The following POLD3 variants were observed in gnomAD, a reference collection of about 807,000 sequenced individuals.
The protein encoded by POLD3 is DNA polymerase delta subunit 3.
A neutral mutation model predicts 58.2 loss-of-function variants in POLD3; 19 were observed. That is an observed-to-expected ratio of 0.33 (90% confidence interval 0.23 to 0.48). The LOEUF (loss-of-function observed/expected upper bound fraction) is 0.48. POLD3 is among the 20% of genes least tolerant of loss of function. The pLI is 0.99. For missense variants in POLD3, 504 were observed against 545.5 expected (o/e 0.92, Z 0.76); for synonymous variants, 172 against 193.5 (o/e 0.89, Z 0.92).
Position 74,640,974 on chromosome 11 carries a change from A to G in POLD3, c.*208A>G. Reference sequence around the variant, plus strand: ...AGGAGGCAAAAAGCTGTTACCTTCTAATGACATTTAAAAAGCACAGTCTTT... The same window carrying G: ...AGGAGGCAAAAAGCTGTTACCTTCTGATGACATTTAAAAAGCACAGTCTTT... On this transcript the variant is annotated 3_prime_UTR_variant, in exon 12 of 12. Transcript: ENST00000263681. 11 of 1,251,908 alleles carry G rather than the reference A, an allele frequency of 8.8e-6. No individual in the cohort carries two copies. The highest frequency in any genetic ancestry group is 1.1e-5 in the Non-Finnish European group (11 of 999,072). 77.5% of individuals were successfully genotyped at this position (1,251,908 alleles called of 1,614,324 possible). A position where few individuals can be genotyped will look rare whatever the true frequency, so the allele number is the denominator to read the frequency against.
At chr11:74,620,834 A>G (rs4145953) in intron 7 of POLD3, among the ~76,000 whole-genome samples, 39,983 of 151,958 alleles carry the variant, frequency 0.26, 5,641 homozygotes, top group South Asian at 0.42. Context: ...TCAAGGAGGC[A>G]TTTTGTTACA....
Position 74,649,423 on chromosome 11 carries a change from G to GT in POLD3, c.369+13149dup, listed in dbSNP as rs568906434. Among the ~76,000 whole-genome samples, 1,081 of 152,264 alleles carry GT rather than the reference G, an allele frequency of 7.1e-3. 12 individuals are homozygous for GT. The highest frequency in any genetic ancestry group is 0.031 in the Middle Eastern group (9 of 294). ...TATCCTATTGTCATCCATTCTTAGTGTAAGTTTTTTCCAGTGGCGTGGAGT... is the reference window on the plus strand; with the variant it reads ...TATCCTATTGTCATCCATTCTTAGTGTTAAGTTTTTTCCAGTGGCGTGGAGT... On this transcript the variant is annotated intron_variant, in intron 4 of 4. Transcript: ENST00000524752.
chr11:74,623,219 G>A (rs2032320142), intron 7 of POLD3, among the ~76,000 whole-genome samples: 1 of 152,110 alleles, frequency 6.6e-6, no homozygotes, highest in Admixed American at 6.5e-5. Context: ...GGATCACGAG[G>A]TCAGGAGATC....
chr11:74,618,536 G>T lies in POLD3; in HGVS notation c.393-1G>T. 4.4e-6 allele frequency: 7 copies of T among 1,603,918 alleles called. No individual in the cohort carries two copies. Among genetic ancestry groups the T allele is most frequent in the Non-Finnish European group, 6.0e-6 (7 of 1,172,638 alleles). On this transcript the variant is annotated splice_acceptor_variant, in intron 5 of 11. Coordinates refer to ENST00000263681, the MANE Select transcript of POLD3 (RefSeq NM_006591.3). LOFTEE classifies it high-confidence loss of function. ...ACTTAATGTAACATTTCTGTCCCCA[G>T]ATTTAGTGCTATACAATGTGCAGCT...
intron 7 of POLD3, 77 bp from the exon 8 acceptor site, chr11:74,625,331 A>G: frequency 2.5e-6 from 3 of 1,206,816 alleles, no homozygotes; most frequent in Non-Finnish European, 3.5e-6. Context: ...TACCTGGCAC[A>G]TGGTAGACTG....
chr11:74,619,755 A>T (rs117121810), intron 6 of POLD3, among the ~76,000 whole-genome samples: 1 of 152,192 alleles, frequency 6.6e-6, no homozygotes, highest in Non-Finnish European at 1.5e-5. Flanking sequence ...AAATGTGCTC[A>T]AGAAAAGTTT....
At chr11:74,633,267 CTT>C (rs2032648692) in intron 9 of POLD3, among the ~76,000 whole-genome samples, 1 of 152,166 alleles carries the variant, frequency 6.6e-6, no homozygotes, top group African/African-American at 2.4e-5. Context: ...TGGGGTTTGA[CTT>C]TTCTCTTGCC....
At chr11:74,626,711 T>C (rs1279425008) in intron 8 of POLD3, among the ~76,000 whole-genome samples, 9 of 152,214 alleles carry the variant, frequency 5.9e-5, no homozygotes. Flanking sequence ...TTTATCAAGT[T>C]GCTGTGTCAA....
At chr11:74,631,278 T>G (rs1388774983) in intron 9 of POLD3, among the ~76,000 whole-genome samples, 5 of 152,218 alleles carry the variant, frequency 3.3e-5, no homozygotes, top group African/African-American at 4.8e-5. Context: ...CAGGCAGACC[T>G]GGGTTTAAAT....
Position 74,618,592 on chromosome 11 carries a change from T to C in POLD3, c.448T>C (p.Ser150Pro). 3 of 1,613,932 alleles carry C rather than the reference T, an allele frequency of 1.9e-6. No individual in the cohort carries two copies. The highest frequency in any genetic ancestry group is 2.5e-6 in the Non-Finnish European group (3 of 1,179,788). Residue 150 changes from serine (S) to proline (P), a missense_variant, in exon 6 of 12, where the codon TCG becomes CCG. By Grantham distance (74) the Ser-to-Pro change is moderately conservative. Coordinates refer to ENST00000263681, the MANE Select transcript of POLD3 (RefSeq NM_006591.3). ...AVPRAPAESS[S>P]SSKKFEQSHL... is the part of the protein sequence containing the mutation. ...CCCTAGAGCTCCTGCTGAATCCTCT[T>C]CGTCTTCCAAAAAGTTTGAGCAGTC...
chr11:74,625,305 C>T, intron 7 of POLD3, 103 bp from the exon 8 acceptor site: 2 of 872,180 alleles, frequency 2.3e-6, no homozygotes, highest in East Asian at 2.6e-5. Context: ...CCTTTTTGCC[C>T]CTGCTCCTAA....
chr11:74,642,071 C>G lies in POLD3; in HGVS notation c.*1305C>G. ...GCTGATGTGTCTCACACGTAGCAGA[C>G]AAGGGGTGTCTGACTGGCTTCTTTT... On this transcript the variant is annotated 3_prime_UTR_variant, in exon 12 of 12. Transcript: ENST00000263681. 6 of 985,416 alleles carry G rather than the reference C, an allele frequency of 6.1e-6. No homozygotes were observed. Among genetic ancestry groups the G allele is most frequent in the Non-Finnish European group, 7.2e-6 (6 of 829,946 alleles). The allele number at this position is 985,416 out of a possible 1,614,324, so 61.0% of individuals were successfully genotyped here.
At chr11:74,629,344 T>G (rs1209559501) in intron 9 of POLD3, 21 bp downstream of exon 9, 1 of 1,396,914 alleles carries the variant, frequency 7.2e-7, no homozygotes, top group Non-Finnish European at 1.0e-6. Flanking sequence ...CCATTCATTT[T>G]GGGTTAGGGG....
intron 11 of POLD3, among the ~76,000 whole-genome samples, chr11:74,639,850 C>T (rs1471767686): frequency 1.3e-5 from 2 of 152,200 alleles, no homozygotes; most frequent in Non-Finnish European, 2.9e-5. Flanking sequence ...CTTTGTTTCT[C>T]AATTTATCAC....
chr11:74,644,304 C>CT (rs2032973810), downstream of POLD3, among the ~76,000 whole-genome samples: 1 of 152,166 alleles, frequency 6.6e-6, no homozygotes, highest in South Asian at 2.1e-4. Context: ...AACTTGTCTC[C>CT]TTTCATTGGT....
chr11:74,616,325 T>A (rs2032077634), intron 5 of POLD3, among the ~76,000 whole-genome samples: 1 of 152,232 alleles, frequency 6.6e-6, no homozygotes, highest in Admixed American at 6.5e-5. Flanking sequence ...ATGGGCCAAC[T>A]GAGATCTCAC....
chr11:74,626,184 C>A (rs969848363), intron 8 of POLD3, among the ~76,000 whole-genome samples: 2 of 152,138 alleles, frequency 1.3e-5, no homozygotes, highest in African/African-American at 4.8e-5. Context: ...TGGGACTACT[C>A]TCGTTGAAAA....
downstream of POLD3, among the ~76,000 whole-genome samples, chr11:74,645,970 G>T (rs150575047): frequency 6.7e-6 from 1 of 149,152 alleles, no homozygotes; most frequent in Non-Finnish European, 1.5e-5. Flanking sequence ...ACAGAGTCTC[G>T]CTCTGTCACC....
chr11:74,642,576 C>T lies in POLD3; in HGVS notation c.*1810C>T. 1.0e-6 allele frequency: 1 copy of T among 985,190 alleles called. No homozygotes were observed. Among genetic ancestry groups the T allele is most frequent in the Non-Finnish European group, 1.2e-6 (1 of 829,822 alleles). 61.0% of individuals were successfully genotyped at this position (985,190 alleles called of 1,614,324 possible). A position where few individuals can be genotyped will look rare whatever the true frequency, so the allele number is the denominator to read the frequency against. ...GAGTTCCATCTTGCAAGGGATAATA[C>T]AAATCCTATGATCTCTATGCCCAAT... On this transcript the variant is annotated 3_prime_UTR_variant, in exon 12 of 12. Transcript: ENST00000263681.
Sources: gnomAD v4.1 joint callset for allele counts (sites outside exome capture counted in the v4.1 genomes callset) on GRCh38, gnomAD v4.1.1 for gene constraint, MANE v1.5 for transcripts, NCBI Gene and HGNC (gene_info 2026-07-23, HGNC 2026-07-21) for gene names.